PFKFB3: variants seen among roughly 807,000 people sequenced by gnomAD.
The protein encoded by PFKFB3 is 6-phosphofructo-2-kinase/fructose-2,6-bisphosphatase 3.
In PFKFB3, 33 loss-of-function variants were observed where a neutral mutation model predicts 68.0. The ratio of observed to expected loss-of-function variants is 0.49; its 90% CI spans 0.37 to 0.65. The LOEUF (loss-of-function observed/expected upper bound fraction) is 0.65. PFKFB3 is among the 30% of genes least tolerant of loss of function. The pLI is 0.00. For synonymous variants in PFKFB3, 315 were observed against 288.2 expected (o/e 1.09, Z -0.94); for missense variants, 586 against 712.2 (o/e 0.82, Z 2.02).
At chr10:6,176,938 T>C (rs1476763706) in intron 1 of PFKFB3, among the ~76,000 whole-genome samples, 2 of 152,094 alleles carry the variant, frequency 1.3e-5, no homozygotes, top group African/African-American at 4.8e-5. Context: ...CACGAGTGAG[T>C]TCCGGACAGG....
chr10:6,289,553 C>T, the PFKFB3 span, among the ~76,000 whole-genome samples: 2 of 151,778 alleles, frequency 1.3e-5, no homozygotes, highest in Non-Finnish European at 2.9e-5. Context: ...TGTTCTGTTC[C>T]ATTGATCTAT....
chr10:6,295,286 A>G, the PFKFB3 span, among the ~76,000 whole-genome samples: 2 of 151,904 alleles, frequency 1.3e-5, no homozygotes, highest in Non-Finnish European at 2.9e-5. Context: ...CAATGGTGCA[A>G]TCTTGGTTCA....
rs1350270703 is a variant in PFKFB3, at chr10:6,220,178, T to C, written c.624-480T>C. ...GTGCAGTGGCATGATCATAGCTCAC[T>C]GCAGGTTCAAACTTCTGGGCTCAAG... On this transcript the variant is annotated intron_variant, in intron 7 of 14. Transcript: ENST00000379775. The surrounding 1 kb of genome is among the most constrained non-coding windows in gnomAD (Gnocchi z 4.1). Among the ~76,000 whole-genome samples, 1 of 151,848 alleles carries C rather than the reference T, an allele frequency of 6.6e-6. No homozygotes were observed. The highest frequency in any genetic ancestry group is 1.9e-4 in the East Asian group (1 of 5,194).
At chr10:6,311,404 C>A in the PFKFB3 span, among the ~76,000 whole-genome samples, 2 of 152,278 alleles carry the variant, frequency 1.3e-5, no homozygotes, top group South Asian at 2.1e-4. Context: ...TCTGGCAGAA[C>A]CTCTCAGGTT....
the PFKFB3 span, among the ~76,000 whole-genome samples, chr10:6,323,468 A>T: frequency 0.066 from 10,044 of 152,290 alleles, 421 homozygotes; most frequent in Middle Eastern, 0.21. Context: ...TAGGGTTCTC[A>T]TATCCTGTCC....
In PFKFB3 at chr10:6,177,452, CTT is replaced by C. The variant is rs1362023847; in HGVS notation, c.16+32441_16+32442del. Among the ~76,000 whole-genome samples the C allele has an allele frequency of 2.3e-4, 22 of 94,802 alleles. No homozygotes were observed. In the East Asian group the frequency reaches 2.7e-3, roughly 12 times the overall value. 62.2% of individuals were successfully genotyped at this position (94,802 alleles called of 152,430 possible). On this transcript the variant is annotated intron_variant, in intron 1 of 14. Coordinates refer to the PFKFB3 transcript ENST00000379789. ...TTCTTTTCTTTCTCTTTCTTTCTTT[CTT>C]TCTTTCTTTCTTTCTTTCTTTCTTT...
At chr10:6,184,227 A>T (rs927206257) in intron 1 of PFKFB3, among the ~76,000 whole-genome samples, 2 of 151,236 alleles carry the variant, frequency 1.3e-5, no homozygotes, top group African/African-American at 4.9e-5. Context: ...TAATTTTTGT[A>T]TTTTTAGTAG....
At chr10:6,293,916 C>T in the PFKFB3 span, 1 of 476,368 alleles carries the variant, frequency 2.1e-6, no homozygotes, top group Non-Finnish European at 4.2e-6. Flanking sequence ...TTGATTTAAG[C>T]CAGAGTTCAA....
At chr10:6,315,270 G>A in the PFKFB3 span, among the ~76,000 whole-genome samples, 28 of 152,266 alleles carry the variant, frequency 1.8e-4, no homozygotes, top group South Asian at 3.7e-3. Flanking sequence ...CCCAGAGTGC[G>A]CATGAAACTG....
the PFKFB3 span, among the ~76,000 whole-genome samples, chr10:6,272,512 G>C: frequency 2.0e-5 from 3 of 152,072 alleles, no homozygotes; most frequent in African/African-American, 7.2e-5. Flanking sequence ...TGGCCAACAT[G>C]GTGAACCCCG....
At chr10:6,210,397 G>T (rs1455219230) in intron 1 of PFKFB3, among the ~76,000 whole-genome samples, 1 of 79,878 alleles carries the variant, frequency 1.3e-5, no homozygotes, top group African/African-American at 3.8e-5. Flanking sequence ...GTTTCGCTCT[G>T]TCACCCAGGC....
At position 6,214,835 on chromosome 10, in the gene PFKFB3, C is replaced by T. The variant is rs550155178; in HGVS notation, c.203-386C>T. On this transcript the variant is annotated intron_variant, in intron 2 of 14. Coordinates refer to ENST00000379775, the MANE Select transcript of PFKFB3 (RefSeq NM_004566.4). ...AGATCTGGCGGTGGGCATGAGGCCC[C>T]ACTCGCTTTCTGATACCATTGGTGG... is the stretch of plus-strand genomic sequence containing the variant. Among the ~76,000 whole-genome samples, 9 of 152,372 alleles carry T rather than the reference C, an allele frequency of 5.9e-5. No individual in the cohort carries two copies. In the East Asian group the frequency reaches 1.5e-3, roughly 26 times the overall value.
At chr10:6,258,784 C>T (rs148918110), downstream of PFKFB3, among the ~76,000 whole-genome samples, 322 of 152,262 alleles carry the variant, frequency 2.1e-3, 1 homozygote, top group African/African-American at 7.4e-3. Context: ...ACATTAAATT[C>T]GTAGGTGAAA....
chr10:6,320,497 G>A, the PFKFB3 span, among the ~76,000 whole-genome samples: 1 of 151,922 alleles, frequency 6.6e-6, no homozygotes, highest in Non-Finnish European at 1.5e-5. Context: ...TGTTACCCAG[G>A]TGAAAGGGCA....
Position 6,254,271 on chromosome 10 carries a change from G to A in PFKFB3, c.1609G>A (p.Val537Met), listed in dbSNP as rs57493065. ...TCTCTGGATACCCAGAGAGGTGACC[G>A]TGGCATCCAGGAGTGGACCCGGGGC... The change falls in exon 15 of 15, where the codon GTG (valine) becomes ATG (methionine). Residue 537 changes from valine (V) to methionine (M), a missense_variant. By Grantham distance (21) the Val-to-Met change is conservative (BLOSUM62 1). Coordinates refer to the PFKFB3 transcript ENST00000640683. 989 of 398,528 alleles carry A rather than the reference G, an allele frequency of 2.5e-3. 8 individuals are homozygous for A. Among genetic ancestry groups the A allele is most frequent in the African/African-American group, 0.016 (803 of 48,706 alleles). 24.7% of individuals were successfully genotyped at this position (398,528 alleles called of 1,614,324 possible).
chr10:6,310,550 T>C, the PFKFB3 span, among the ~76,000 whole-genome samples: 2 of 152,188 alleles, frequency 1.3e-5, no homozygotes, highest in Non-Finnish European at 2.9e-5. Context: ...ACTGGGAAAG[T>C]CACCCATATT....
At chr10:6,276,404 A>G in the PFKFB3 span, among the ~76,000 whole-genome samples, 2 of 152,018 alleles carry the variant, frequency 1.3e-5, no homozygotes, top group African/African-American at 4.8e-5. Context: ...GAAAAAAAAA[A>G]AATCCCAAGA....
intron 1 of PFKFB3, chr10:6,146,521 G>A: frequency 1.3e-6 from 2 of 1,531,382 alleles, no homozygotes; most frequent in Non-Finnish European, 1.7e-6. Context: ...CCTTGACTCT[G>A]TGGGTTCTCT....
chr10:6,255,037 G>A (rs757913757), downstream of PFKFB3, among the ~76,000 whole-genome samples: 36 of 151,316 alleles, frequency 2.4e-4, no homozygotes, highest in Admixed American at 1.1e-3. Context: ...GGCTGGTCTC[G>A]AACTCCTGAT....
Sources: gnomAD v4.1 joint callset for allele counts (sites outside exome capture counted in the v4.1 genomes callset) on GRCh38, gnomAD v4.1.1 for gene constraint, Gnocchi (gnomAD v3.1) non-coding constraint, MANE v1.5 for transcripts, NCBI Gene and HGNC (gene_info 2026-07-23, HGNC 2026-07-21) for gene names.